The following FBLIM1 variants were observed in gnomAD, a reference collection of about 807,000 sequenced individuals.
FBLIM1 encodes filamin binding LIM protein 1.
FBLIM1 carries 29 observed loss-of-function variants against 37.4 expected under a neutral mutation model. The observed-to-expected ratio is 0.77, with a 90% CI of 0.58 to 1.06. The LOEUF is 1.06. FBLIM1 is among the 50% of genes least tolerant of loss of function. The pLI is 0.00. For missense variants in FBLIM1, 449 were observed against 505.6 expected (o/e 0.89, Z 1.07); for synonymous variants, 193 against 199.0 (o/e 0.97, Z 0.25).
chr1:15,778,181 GGTT>G (rs1158201099), intron 8 of FBLIM1, among the ~76,000 whole-genome samples: 3 of 152,088 alleles, frequency 2.0e-5, no homozygotes, highest in African/African-American at 7.2e-5. Context: ...AAAAAGGAGG[GGTT>G]GTTACAACTG....
At chr1:15,760,481 G>A (rs1037768770) in intron 1 of FBLIM1, among the ~76,000 whole-genome samples, 1 of 141,532 alleles carries the variant, frequency 7.1e-6, no homozygotes, top group Non-Finnish European at 1.5e-5. Context: ...AGTGAGCTGA[G>A]ATTGCGCCAC....
chr1:15,761,192 CCGACCA>C (rs2068658918), intron 1 of FBLIM1, among the ~76,000 whole-genome samples: 3 of 152,306 alleles, frequency 2.0e-5, no homozygotes, highest in African/African-American at 7.2e-5. Flanking sequence ...CCGGAACATG[CCGACCA>C]CAAGATTTCT....
Position 15,765,153 on chromosome 1 carries a change from C to G in FBLIM1, c.170C>G (p.Ala57Gly), listed in dbSNP as rs201442626. ...APMKTPEAGL[A>G]GRPSPWTTPG... ...ATGAAGACACCCGAGGCTGGCTTGG[C>G]GGGGAGGCCCAGCCCCTGGACAACC... is the stretch of plus-strand genomic sequence containing the variant. The change falls in exon 3 of 9, where the codon GCG (alanine) becomes GGG (glycine). Residue 57 changes from alanine to glycine, a missense_variant. Coordinates refer to ENST00000375766, the MANE Select transcript of FBLIM1 (RefSeq NM_017556.4). This position sits in a 1 kb window ranked among gnomAD's most constrained non-coding sequence, Gnocchi z 5.9. The G allele has an allele frequency of 6.2e-7, 1 of 1,613,578 alleles. No individual in the cohort carries two copies. Among genetic ancestry groups the G allele is most frequent in the Non-Finnish European group, 8.5e-7 (1 of 1,179,846 alleles).
chr1:15,763,890 C>T (rs377139684), intron 1 of FBLIM1, among the ~76,000 whole-genome samples: 6 of 152,222 alleles, frequency 3.9e-5, no homozygotes, highest in African/African-American at 4.8e-5. Context: ...CCACCTGCCT[C>T]GGCCTCCCAA....
chr1:15,765,103 C>T lies in FBLIM1; in HGVS notation c.120C>T (p.Gly40=). ...AGGCAGTTTGTGAGGCCCGGCGTGG[C>T]CGCCCCTGGGAGGCTCCTGCCCCCA... The part of the protein sequence containing the change: ...VRQAVCEARR[G]RPWEAPAPMK... The change falls in exon 3 of 9, where the codon GGC becomes GGT. Residue 40 remains glycine, a synonymous_variant. Transcript: ENST00000375766. This position sits in a 1 kb window ranked among gnomAD's most constrained non-coding sequence, Gnocchi z 5.9. The T allele has an allele frequency of 6.2e-7, 1 of 1,613,842 alleles. No individual in the cohort carries two copies. Among genetic ancestry groups the T allele is most frequent in the Non-Finnish European group, 8.5e-7 (1 of 1,179,872 alleles).
At chr1:15,781,378 G>A (rs905249496) in intron 8 of FBLIM1, among the ~76,000 whole-genome samples, 2 of 151,728 alleles carry the variant, frequency 1.3e-5, no homozygotes, top group African/African-American at 2.4e-5. Context: ...GCTGGGTATG[G>A]TGGCGCACAC....
intron 8 of FBLIM1, among the ~76,000 whole-genome samples, chr1:15,781,529 A>G (rs1321253385): frequency 2.5e-5 from 2 of 79,054 alleles, no homozygotes. Context: ...TCAAAAAAAA[A>G]AAAAAAAAAA....
Position 15,762,527 on chromosome 1 carries a change from C to T in FBLIM1, c.-210-1969C>T, listed in dbSNP as rs1483346683. Reference sequence around the variant, plus strand: ...CCAACCACCTTGCCCTCCAAAAATGCTAAGATTACAGGCATAAGCCTCCAC... The same window carrying T: ...CCAACCACCTTGCCCTCCAAAAATGTTAAGATTACAGGCATAAGCCTCCAC... On this transcript the variant is annotated intron_variant, in intron 1 of 8. Coordinates refer to ENST00000375766, the MANE Select transcript of FBLIM1 (RefSeq NM_017556.4). Among the ~76,000 whole-genome samples the T allele has an allele frequency of 6.6e-5, 10 of 152,206 alleles. No homozygotes were observed. The East Asian group carries it at 1.9e-3, about 29-fold the overall frequency.
At chr1:15,772,247 CA>C (rs927105477) in intron 6 of FBLIM1, among the ~76,000 whole-genome samples, 4 of 152,312 alleles carry the variant, frequency 2.6e-5, no homozygotes, top group South Asian at 2.1e-4. Flanking sequence ...AGAATCCAAA[CA>C]ATCCAATCCC....
intron 7 of FBLIM1, 148 bp downstream of exon 7, chr1:15,774,944 C>G (rs769590716): frequency 1.3e-6 from 2 of 1,522,002 alleles, no homozygotes; most frequent in Non-Finnish European, 1.8e-6. Context: ...CTGGGCTGGG[C>G]GCGGTGGCTC....
At chr1:15,769,974 C>G (rs1022954956) in intron 5 of FBLIM1, among the ~76,000 whole-genome samples, 5 of 151,576 alleles carry the variant, frequency 3.3e-5, no homozygotes. Flanking sequence ...TGAAACAGAG[C>G]CTCACTCTGT....
intron 1 of FBLIM1, among the ~76,000 whole-genome samples, chr1:15,759,252 A>C (rs1239093600): frequency 1.3e-5 from 2 of 152,062 alleles, no homozygotes; most frequent in Non-Finnish European, 2.9e-5. Context: ...CTGCCTGCGG[A>C]GGGTCCCGCG....
intron 5 of FBLIM1, among the ~76,000 whole-genome samples, chr1:15,769,322 C>T (rs1035318913): frequency 2.6e-5 from 4 of 151,810 alleles, no homozygotes; most frequent in Admixed American, 6.6e-5. Flanking sequence ...ACTAAAAATA[C>T]GAAAGTTAGC....
At chr1:15,771,738 G>A (rs2069225167) in intron 6 of FBLIM1, among the ~76,000 whole-genome samples, 1 of 151,900 alleles carries the variant, frequency 6.6e-6, no homozygotes, top group Admixed American at 6.6e-5. Context: ...CATCCCATCT[G>A]AAAGCCTCTT....
At position 15,770,465 on chromosome 1, in the gene FBLIM1, A is replaced by G. The variant is rs1215287985; in HGVS notation, c.598A>G (p.Met200Val). 7.4e-6 allele frequency: 12 copies of G among 1,612,758 alleles called. No homozygotes were observed. The highest frequency in any genetic ancestry group is 1.1e-5 in the South Asian group (1 of 90,988). Residue 200 changes from methionine to valine, a missense_variant, in exon 6 of 9, where the codon ATG (methionine) becomes GTG (valine). Coordinates refer to ENST00000375766, the MANE Select transcript of FBLIM1 (RefSeq NM_017556.4). ...CCCCCGAGAGCTGGCTGTGGAGGCC[A>G]TGAAGAGGCAGTACCATGCCCAGTG... Reference protein sequence around the residue: ...VSPRELAVEAMKRQYHAQCFT... With the variant: ...VSPRELAVEAVKRQYHAQCFT...
upstream of FBLIM1, chr1:15,758,562 A>C (rs978550754): frequency 6.9e-6 from 1 of 144,966 alleles, no homozygotes; most frequent in Non-Finnish European, 1.5e-5. This position sits in a 1 kb window ranked among gnomAD's most constrained non-coding sequence, Gnocchi z 6.2. Flanking sequence ...GGCCTGTGCC[A>C]AGGGGGAGGG....
At chr1:15,780,512 A>T (rs1332930754) in intron 8 of FBLIM1, among the ~76,000 whole-genome samples, 2 of 152,192 alleles carry the variant, frequency 1.3e-5, no homozygotes, top group African/African-American at 4.8e-5. Context: ...TTAATTTTTG[A>T]ACAAGGGGCC....
intron 6 of FBLIM1, among the ~76,000 whole-genome samples, chr1:15,770,895 A>G (rs2069169565): frequency 1.3e-5 from 2 of 152,012 alleles, no homozygotes; most frequent in African/African-American, 4.8e-5. Flanking sequence ...TTGAGGGAGA[A>G]CCCACATCTC....
intron 8 of FBLIM1, among the ~76,000 whole-genome samples, chr1:15,778,523 G>C (rs1389188022): frequency 1.3e-5 from 2 of 152,196 alleles, no homozygotes; most frequent in Non-Finnish European, 2.9e-5. Context: ...GGCCTTGCAG[G>C]ATGAGTAGGA....
Sources: gnomAD v4.1 joint callset for allele counts (sites outside exome capture counted in the v4.1 genomes callset) on GRCh38, gnomAD v4.1.1 for gene constraint, Gnocchi (gnomAD v3.1) non-coding constraint, MANE v1.5 for transcripts, NCBI Gene and HGNC (gene_info 2026-07-23, HGNC 2026-07-21) for gene names.